ABCC3: variants seen among roughly 807,000 people sequenced by gnomAD.
The protein encoded by ABCC3 is ATP-binding cassette sub-family C member 3.
In ABCC3, 121 loss-of-function variants were observed where a neutral mutation model predicts 165.3. The observed-to-expected ratio is 0.73, with a 90% confidence interval of 0.63 to 0.85. ABCC3 has a LOEUF of 0.85. Among genes scored for constraint, ABCC3 ranks in the 40% least tolerant of loss-of-function variants. ABCC3 has a pLI of 0.00. For synonymous variants in ABCC3, 733 were observed against 810.1 expected (o/e 0.90, Z 1.62); for missense variants, 1,869 against 1,964.1 (o/e 0.95, Z 0.92).
At chr17:50,670,887 T>C (rs937733891) in intron 17 of ABCC3, among the ~76,000 whole-genome samples, 1 of 152,184 alleles carries the variant, frequency 6.6e-6, no homozygotes, top group Non-Finnish European at 1.5e-5. Flanking sequence ...TGGCCTTTAC[T>C]CTAAAAAACA....
At chr17:50,675,279 C>A in intron 19 of ABCC3, 83 bp from the exon 20 acceptor site, 1 of 946,122 alleles carries the variant, frequency 1.1e-6, no homozygotes, top group Non-Finnish European at 1.6e-6. Context: ...GAACCCCTTT[C>A]ATTAGAGTGG....
At chr17:50,656,971 A>T in intron 3 of ABCC3, 75 bp from the exon 4 acceptor site, 1 of 1,566,178 alleles carries the variant, frequency 6.4e-7, no homozygotes, top group Non-Finnish European at 8.6e-7. Flanking sequence ...ACTTCTGGCC[A>T]TGTGGGATGG....
In ABCC3 at chr17:50,669,033, CA is replaced by C. The variant is rs1264405571; in HGVS notation, c.1938-106del. The C allele has an allele frequency of 1.9e-6, 3 of 1,594,602 alleles. No individual in the cohort carries two copies. The East Asian group carries it at 6.7e-5, about 36-fold the overall frequency. On this transcript the variant is annotated intron_variant, in intron 15 of 30. Coordinates refer to ENST00000285238, the MANE Select transcript of ABCC3 (RefSeq NM_003786.4). ...GAATGCAGGAAGAGCTTCAGCCTGC[CA>C]GGGGGGTGTCTGGAAGGGCGGAGGG...
rs759301256 is a variant in ABCC3, at chr17:50,669,192, G to C, written c.1990G>C (p.Gly664Arg). The change falls in exon 16 of 31, where the codon GGC becomes CGC. Residue 664 changes from glycine (G) to arginine (R), a missense_variant. Coordinates refer to ENST00000285238, the MANE Select transcript of ABCC3 (RefSeq NM_003786.4). ...GALVAVVGPV[G>R]CGKSSLVSAL... ...ACTGGTGGCCGTGGTGGGGCCTGTG[G>C]GCTGTGGGAAGTCCTCCCTGGTGTC... 8 of 1,609,916 alleles carry C rather than the reference G, an allele frequency of 5.0e-6. No individual in the cohort carries two copies. The highest frequency in any genetic ancestry group is 2.2e-5 in the East Asian group (1 of 44,876).
At chr17:50,685,701 C>T (rs1040110505) in intron 29 of ABCC3, among the ~76,000 whole-genome samples, 3 of 152,140 alleles carry the variant, frequency 2.0e-5, no homozygotes, top group Non-Finnish European at 4.4e-5. Flanking sequence ...TGCTAATAGC[C>T]ACATGGGGCC....
intron 23 of ABCC3, 61 bp from the exon 24 acceptor site, chr17:50,677,683 C>T: frequency 6.6e-7 from 1 of 1,516,224 alleles, no homozygotes; most frequent in East Asian, 2.3e-5. Context: ...AGTTCAGAGA[C>T]AGGCAGGACT....
At chr17:50,644,653 A>C (rs1966963909) in intron 1 of ABCC3, among the ~76,000 whole-genome samples, 1 of 152,160 alleles carries the variant, frequency 6.6e-6, no homozygotes, top group African/African-American at 2.4e-5. Context: ...CACAGGTTGC[A>C]GAGAGCTGAG....
chr17:50,661,505 T>A (rs1394666212), intron 8 of ABCC3, among the ~76,000 whole-genome samples: 1 of 152,180 alleles, frequency 6.6e-6, no homozygotes, highest in Non-Finnish European at 1.5e-5. Flanking sequence ...GACTCTGAGC[T>A]CCGACTGAGG....
rs777341750 is a variant in ABCC3 at position 50,673,008 on chromosome 17, G to A, written c.2279G>A (p.Ser760Asn). The A allele has an allele frequency of 2.5e-6, 4 of 1,614,130 alleles. No individual in the cohort carries two copies. Among genetic ancestry groups the A allele is most frequent in the Non-Finnish European group, 3.4e-6 (4 of 1,180,030 alleles). ...NLSGGQRQRV[S>N]LARAVYSDAD... is the part of the protein sequence containing the mutation. ...TCTGGGGGCCAGCGGCAGCGGGTCAGTCTGGCTCGAGCTGTTTACAGTGAT... is the reference window on the plus strand; with the variant it reads ...TCTGGGGGCCAGCGGCAGCGGGTCAATCTGGCTCGAGCTGTTTACAGTGAT... The change falls in exon 18 of 31, where the codon AGT becomes AAT. Residue 760 changes from serine (S) to asparagine (N), a missense_variant. By Grantham distance (46) the Ser-to-Asn change is conservative (BLOSUM62 1). Coordinates refer to ENST00000285238, the MANE Select transcript of ABCC3 (RefSeq NM_003786.4).
intron 25 of ABCC3, chr17:50,679,398 C>G (rs1967888097): frequency 6.2e-6 from 1 of 160,264 alleles, no homozygotes; most frequent in Middle Eastern, 3.1e-3. Context: ...ATCAAGACTC[C>G]TTGGTACGCA....
Position 50,657,956 on chromosome 17 carries a change from C to T in ABCC3, c.487-126C>T, listed in dbSNP as rs1002546176. 5 of 1,342,526 alleles carry T rather than the reference C, an allele frequency of 3.7e-6. No homozygotes were observed. The African/African-American group carries it at 4.4e-5, about 12-fold the overall frequency. The allele number at this position is 1,342,526 out of a possible 1,614,324, so 83.2% of individuals were successfully genotyped here. ...TCTCTCAGAGTCCTCTGAGTGGGGA[C>T]CTGGAGGCCCCCAGGTGCTGCCTCC... On this transcript the variant is annotated intron_variant, in intron 4 of 30. Transcript: ENST00000285238.
intron 1 of ABCC3, among the ~76,000 whole-genome samples, chr17:50,652,153 T>A (rs189850621): frequency 7.7e-4 from 118 of 152,344 alleles, no homozygotes; most frequent in African/African-American, 2.2e-3. Flanking sequence ...TAATTTAATT[T>A]TGGAGCATTA....
At chr17:50,635,695 C>T in intron 1 of ABCC3, 1 of 670,290 alleles carries the variant, frequency 1.5e-6, no homozygotes. Flanking sequence ...CAAAGTTACC[C>T]AGTTCAATGA....
rs756207893 is a variant in ABCC3 at position 50,676,435 on chromosome 17, C to T, written c.3225C>T (p.Asp1075=). 2.4e-5 allele frequency: 39 copies of T among 1,614,124 alleles called. No individual in the cohort carries two copies. The African/African-American group carries it at 3.9e-4, about 16-fold the overall frequency. The part of the protein sequence containing the change: ...SGRILNCFSK[D]IYVVDEVLAP... ...GCATCCTGAACTGCTTCTCCAAGGA[C>T]ATCTATGTCGTTGATGAGGTTCTGG... is the stretch of plus-strand genomic sequence containing the variant. Residue 1075 remains aspartate (D), a synonymous_variant, in exon 23 of 31, where the codon GAC becomes GAT. Transcript: ENST00000285238.
At chr17:50,666,467 G>C (rs370547352) in intron 11 of ABCC3, among the ~76,000 whole-genome samples, 2 of 151,530 alleles carry the variant, frequency 1.3e-5, no homozygotes, top group Admixed American at 1.3e-4. Flanking sequence ...GCGAAACTCC[G>C]TCTCAAAAAA....
rs572702910 is a variant in ABCC3, at chr17:50,687,001, C to T, written c.4281-535C>T. ...GTGTCCTGCTCCTCCTTTACCTCCT[C>T]AGTGACCAGACACAAAGAGTCCCCG... is the stretch of plus-strand genomic sequence containing the variant. On this transcript the variant is annotated intron_variant, in intron 29 of 30. Transcript: ENST00000285238. Among the ~76,000 whole-genome samples the T allele has an allele frequency of 2.6e-5, 4 of 152,234 alleles. No homozygotes were observed. In the East Asian group the frequency reaches 7.7e-4, roughly 29 times the overall value.
intron 1 of ABCC3, among the ~76,000 whole-genome samples, chr17:50,648,784 G>A (rs1597841369): frequency 2.0e-5 from 3 of 152,120 alleles, no homozygotes; most frequent in Admixed American, 2.0e-4. Context: ...CAACTCTTTA[G>A]TGTCTTACTC....
At chr17:50,673,417 CA>C in intron 18 of ABCC3, 51 bp from the exon 19 acceptor site, 7 of 1,589,808 alleles carry the variant, frequency 4.4e-6, no homozygotes, top group Admixed American at 1.7e-5. Flanking sequence ...GTGCCTGTGC[CA>C]GGGGTGTGCT....
chr17:50,650,682 A>G (rs1256385986), intron 1 of ABCC3, among the ~76,000 whole-genome samples: 3 of 152,058 alleles, frequency 2.0e-5, no homozygotes, highest in Non-Finnish European at 2.9e-5. Flanking sequence ...TCTTTTTCAT[A>G]TATTCCTTTT....
Sources: gnomAD v4.1 joint callset for allele counts (sites outside exome capture counted in the v4.1 genomes callset) on GRCh38, gnomAD v4.1.1 for gene constraint, MANE v1.5 for transcripts, NCBI Gene and HGNC (gene_info 2026-07-23, HGNC 2026-07-21) for gene names.